URGCP: variants seen among roughly 807,000 people sequenced by gnomAD.
URGCP encodes the protein up-regulator of cell proliferation.
In URGCP, 13 loss-of-function variants were observed where a neutral mutation model predicts 24.6. That is an observed-to-expected ratio of 0.53 (90% CI 0.34 to 0.84). The LOEUF (loss-of-function observed/expected upper bound fraction) is 0.84, where lower values mean the gene tolerates loss of function less well. Among genes scored for constraint, URGCP ranks in the 40% least tolerant of loss-of-function variants. The probability of loss-of-function intolerance (pLI) is 0.01; values close to 1 mark genes in which losing one functional copy is unlikely to be tolerated. For missense variants in URGCP, 899 were observed against 1,194.3 expected (o/e 0.75, Z 3.64); for synonymous variants, 444 against 487.2 (o/e 0.91, Z 1.17).
intron 1 of URGCP, among the ~76,000 whole-genome samples, chr7:43,924,571 C>T (rs1321780960): frequency 6.6e-6 from 1 of 152,130 alleles, no homozygotes; most frequent in Non-Finnish European, 1.5e-5. Context: ...GGATGGATGG[C>T]CCATGGACTA....
chr7:43,919,186 A>G, intron 1 of URGCP: 2 of 890,118 alleles, frequency 2.2e-6, no homozygotes, highest in East Asian at 4.8e-5. Flanking sequence ...TATCCTAAGA[A>G]GCTGGTGCAG....
At chr7:43,907,530 A>T (rs2132718997), upstream of URGCP, among the ~76,000 whole-genome samples, 1 of 152,136 alleles carries the variant, frequency 6.6e-6, no homozygotes, top group African/African-American at 2.4e-5. Context: ...ATCATTAACA[A>T]CCACTATTTA....
intron 1 of URGCP, among the ~76,000 whole-genome samples, chr7:43,923,424 C>T (rs1585843847): frequency 6.6e-6 from 1 of 152,002 alleles, no homozygotes. Flanking sequence ...ATAGCTGTGC[C>T]CTCAGATGCA....
rs756145298 is a variant in URGCP at position 43,876,895 on chromosome 7, G to A, written c.2568C>T (p.Gly856=). 4.8e-5 allele frequency: 78 copies of A among 1,613,766 alleles called. No homozygotes were observed. The Admixed American group carries it at 5.2e-4, about 11-fold the overall frequency. The change falls in exon 6 of 6, where the codon GGC becomes GGT. Residue 856 remains glycine, a synonymous_variant. Coordinates refer to ENST00000453200, the MANE Select transcript of URGCP (RefSeq NM_001077663.3). ...SRAAAQMEKQ[G]DGFRALAGLA... ...GGCCTGCCAGTGCCCGGAAGCCGTCGCCCTGTTTCTCCATCTGGGCTGCAG... is the reference window on the plus strand; with the variant it reads ...GGCCTGCCAGTGCCCGGAAGCCGTCACCCTGTTTCTCCATCTGGGCTGCAG...
At chr7:43,903,032 C>A (rs925659969) in intron 1 of URGCP, among the ~76,000 whole-genome samples, 2 of 151,430 alleles carry the variant, frequency 1.3e-5, no homozygotes, top group African/African-American at 4.9e-5. Flanking sequence ...GCTTATAATT[C>A]CAGCAATTTG....
intron 3 of URGCP, among the ~76,000 whole-genome samples, chr7:43,886,253 A>G (rs1039225424): frequency 6.6e-6 from 1 of 152,196 alleles, no homozygotes; most frequent in Non-Finnish European, 1.5e-5. Context: ...CTCCCAAAGT[A>G]CTGGGATTAC....
intron 3 of URGCP, among the ~76,000 whole-genome samples, chr7:43,883,362 A>ATT (rs34217938): frequency 0.011 from 979 of 88,206 alleles, 27 homozygotes; most frequent in African/African-American, 0.023. Flanking sequence ...ATATATATAT[A>ATT]TTTTTTTTTT....
chr7:43,892,596 T>C (rs2095872652), intron 1 of URGCP, among the ~76,000 whole-genome samples: 1 of 152,220 alleles, frequency 6.6e-6, no homozygotes, highest in Admixed American at 6.5e-5. Flanking sequence ...TTATTATATG[T>C]GAACCCACCC....
chr7:43,884,492 C>G (rs2095859202), intron 3 of URGCP, among the ~76,000 whole-genome samples: 1 of 152,152 alleles, frequency 6.6e-6, no homozygotes, highest in Non-Finnish European at 1.5e-5. Flanking sequence ...CCAGGAATAA[C>G]TGTTATGAGC....
chr7:43,918,692 G>A, intron 1 of URGCP: 2 of 672,608 alleles, frequency 3.0e-6, no homozygotes, highest in Admixed American at 5.0e-5. Flanking sequence ...GGTGCCTGAG[G>A]AGCGATACCA....
Position 43,876,565 on chromosome 7 carries a change from C to A in URGCP, c.*102G>T. 1 of 1,305,722 alleles carries A rather than the reference C, an allele frequency of 7.7e-7. No individual in the cohort carries two copies. The highest frequency in any genetic ancestry group is 1.4e-5 in the South Asian group (1 of 71,616). 80.9% of individuals were successfully genotyped at this position (1,305,722 alleles called of 1,614,324 possible). A position where few individuals can be genotyped will look rare whatever the true frequency, so the allele number is the denominator to read the frequency against. On this transcript the variant is annotated 3_prime_UTR_variant, in exon 6 of 6. Transcript: ENST00000453200. The stretch of plus-strand genomic sequence containing the variant: ...CTCGTCTTCTCATGTCGATTGGGCA[C>A]CAGCCATTCTCAGGCACCAGAGCAC...
chr7:43,920,811 A>C (rs2095921503), intron 1 of URGCP, among the ~76,000 whole-genome samples: 1 of 152,136 alleles, frequency 6.6e-6, no homozygotes, highest in African/African-American at 2.4e-5. Flanking sequence ...AAAACCCAGC[A>C]ATTAAAAGCA....
intron 1 of URGCP, among the ~76,000 whole-genome samples, chr7:43,917,582 CT>C (rs2095916865): frequency 6.6e-6 from 1 of 152,196 alleles, no homozygotes; most frequent in Admixed American, 6.5e-5. Context: ...GGCTTGATAT[CT>C]TTGTGACCTT....
chr7:43,919,333 T>C lies in URGCP; in HGVS notation c.-116+6799A>G, dbSNP rs538996548. The C allele has an allele frequency of 3.0e-3, 2,473 of 836,902 alleles. 7 individuals carry two copies. The highest frequency in any genetic ancestry group is 4.3e-3 in the Non-Finnish European group (2,011 of 470,914). 51.8% of individuals were successfully genotyped at this position (836,902 alleles called of 1,614,324 possible). On this transcript the variant is annotated intron_variant, in intron 1 of 5. Coordinates refer to the URGCP transcript ENST00000426198. ...CTGCACAACACAGCCCTGAACCAGA[T>C]TGCCACAGACCAGATCCTGCACATC...
chr7:43,903,293 T>C (rs1562585346), intron 1 of URGCP, among the ~76,000 whole-genome samples: 1 of 152,194 alleles, frequency 6.6e-6, no homozygotes, highest in Non-Finnish European at 1.5e-5. Flanking sequence ...ATAGCATTTA[T>C]GTAAAAACAG....
In URGCP at chr7:43,881,922, C is replaced by T. The variant is rs768410494; in HGVS notation, c.148G>A (p.Glu50Lys). The change falls in exon 4 of 6, where the codon GAG becomes AAG. Residue 50 changes from glutamate to lysine, a missense_variant. By Grantham distance (56) the Glu-to-Lys change is moderately conservative. Coordinates refer to ENST00000453200, the MANE Select transcript of URGCP (RefSeq NM_001077663.3). ...TAGTTTCTACCTCCATAACGGAACT[C>T]GCAATCATCTCCTTCCATTTCTCTC... ...EWREMEGDDC[E>K]FRYGDGTNEA... 2.0e-5 allele frequency: 33 copies of T among 1,613,952 alleles called. No individual in the cohort carries two copies. Among genetic ancestry groups the T allele is most frequent in the South Asian group, 2.0e-4 (18 of 91,070 alleles).
rs528624424 is a variant in URGCP at position 43,895,662 on chromosome 7, G to A, written c.15-7846C>T. On this transcript the variant is annotated intron_variant, in intron 1 of 5. Coordinates refer to ENST00000453200, the MANE Select transcript of URGCP (RefSeq NM_001077663.3). ...TGCGCTCCAGCCTGGATGACACGGT[G>A]AGACTCTGTCTCAAAAAACAAACAA... 2.6e-5 allele frequency among the ~76,000 whole-genome samples: 4 copies of A among 152,344 alleles called. No homozygotes were observed. The South Asian group carries it at 6.2e-4, about 24-fold the overall frequency.
chr7:43,902,210 C>G (rs57888160), intron 1 of URGCP, among the ~76,000 whole-genome samples: 1 of 151,690 alleles, frequency 6.6e-6, no homozygotes, highest in Non-Finnish European at 1.5e-5. Context: ...TGCCAAGGTG[C>G]GTGTGCCCTC....
chr7:43,877,935 CCTT>C lies in URGCP; in HGVS notation c.1525_1527del (p.Lys509del). The C allele has an allele frequency of 3.1e-6, 5 of 1,614,158 alleles. No homozygotes were observed. Among genetic ancestry groups the C allele is most frequent in the Non-Finnish European group, 3.4e-6 (4 of 1,180,032 alleles). On this transcript the variant is annotated inframe_deletion, in exon 6 of 6. Transcript: ENST00000453200. ...ACGGCCCACTGGAGCTGGCAGAACT[CCTT>C]CTCCACTTGGGCTGCCTTTCTCCAG...
Sources: allele counts gnomAD v4.1 joint callset (sites outside exome capture counted in the v4.1 genomes callset), GRCh38; gene constraint gnomAD v4.1.1; transcripts MANE v1.5; gene names NCBI Gene and HGNC (gene_info 2026-07-23, HGNC 2026-07-21).